The following SALL4 variants were observed in gnomAD, a reference collection of about 807,000 sequenced individuals.
SALL4 encodes the protein sal-like protein 4.
In SALL4, 4 loss-of-function variants were observed where a neutral mutation model predicts 60.8. The ratio of observed to expected loss-of-function variants is 0.07; its 90% CI spans 0.03 to 0.15. SALL4 has a LOEUF of 0.15. SALL4 is among the 10% of genes least tolerant of loss of function. The probability of loss-of-function intolerance (pLI) is 1.00; values close to 1 mark genes in which losing one functional copy is unlikely to be tolerated. For synonymous variants in SALL4, 580 were observed against 574.9 expected (o/e 1.01, Z -0.13); for missense variants, 1,178 against 1,394.7 (o/e 0.84, Z 2.48).
Position 51,802,279 on chromosome 20 carries a change from C to G in SALL4, c.130G>C (p.Gly44Arg). The part of the protein sequence containing the change: ...APAAPAAGEL[G>R]APVNHPGNDE... ...GGGCGGGCGCCCCAGCCCCACTCAC[C>G]CAGCTCCCCCGCCGCGGGCGCCGCT... The change falls in exon 1 of 4, where the codon GGT (glycine) becomes CGT (arginine). Residue 44 changes from glycine to arginine, a missense_variant and splice_region_variant. This residue lies in a region of SALL4 where 108 missense variants were observed against 95.7 expected (regional missense o/e 1.13). Coordinates refer to ENST00000217086, the MANE Select transcript of SALL4 (RefSeq NM_020436.5). 2 of 1,602,218 alleles carry G rather than the reference C, an allele frequency of 1.2e-6. No homozygotes were observed. Among genetic ancestry groups the G allele is most frequent in the Non-Finnish European group, 1.7e-6 (2 of 1,175,546 alleles).
Position 51,790,341 on chromosome 20 carries a change from G to T in SALL4, c.2142C>A (p.Ser714Arg). The change falls in exon 2 of 4, where the codon AGC becomes AGA. Residue 714 changes from serine to arginine, a missense_variant. Ser to Arg is a moderately radical substitution (Grantham distance 110, BLOSUM62 -1). Coordinates refer to ENST00000217086, the MANE Select transcript of SALL4 (RefSeq NM_020436.5). The surrounding 1 kb of genome is among the most constrained non-coding windows in gnomAD (Gnocchi z 5.5). ...CTAGCGTGGGTGATGCCGAGTGGAT[G>T]CTGGGAAGAGGCGTGGGGACCTTGG... ...SSSKVPTPLP[S>R]IHSASPTLGF... 1 of 1,614,182 alleles carries T rather than the reference G, an allele frequency of 6.2e-7. No individual in the cohort carries two copies. The highest frequency in any genetic ancestry group is 1.1e-5 in the South Asian group (1 of 91,088).
rs534356401 is a variant in SALL4 at position 51,801,495 on chromosome 20, G to C, written c.130+784C>G. Reference sequence around the variant, plus strand: ...CCGGCCACTGGGGGCTCGCACCCTCGGGCTTGCCGCGGTTATTTTTAGGAA... The same window carrying C: ...CCGGCCACTGGGGGCTCGCACCCTCCGGCTTGCCGCGGTTATTTTTAGGAA... On this transcript the variant is annotated intron_variant, in intron 1 of 3. Transcript: ENST00000217086. This position sits in a 1 kb window ranked among gnomAD's most constrained non-coding sequence, Gnocchi z 5.2. The C allele has an allele frequency of 2.0e-5, 3 of 152,298 alleles. No individual in the cohort carries two copies. Among genetic ancestry groups the C allele is most frequent in the South Asian group, 2.1e-4 (1 of 4,832 alleles). 9.4% of individuals were successfully genotyped at this position (152,298 alleles called of 1,614,324 possible).
chr20:51,795,380 C>T (rs1260207023), intron 1 of SALL4, among the ~76,000 whole-genome samples: 1 of 152,138 alleles, frequency 6.6e-6, no homozygotes, highest in East Asian at 1.9e-4. Context: ...GCACTCCAGC[C>T]TGGGCGACAG....
In SALL4 at chr20:51,791,450, G is replaced by C. The variant is rs1416309685; in HGVS notation, c.1033C>G (p.Gln345Glu). 2 of 1,614,202 alleles carry C rather than the reference G, an allele frequency of 1.2e-6. No individual in the cohort carries two copies. Among genetic ancestry groups the C allele is most frequent in the Admixed American group, 3.3e-5 (2 of 60,034 alleles). Residue 345 changes from glutamine (Q) to glutamate (E), a missense_variant, in exon 2 of 4, where the codon CAG (glutamine) becomes GAG (glutamate). Transcript: ENST00000217086. This position sits in a 1 kb window ranked among gnomAD's most constrained non-coding sequence, Gnocchi z 4.6. ...LPQAPGSVLF[Q>E]SPFSTVALDT... Reference sequence around the variant, plus strand: ...AGCGCCACAGTGGAGAAAGGGCTCTGGAAGAGCACCGAGCCCGGGGCCTGA... The same window carrying C: ...AGCGCCACAGTGGAGAAAGGGCTCTCGAAGAGCACCGAGCCCGGGGCCTGA...
rs1161824573 is a variant in SALL4, at chr20:51,783,734, A to AC, written c.*530_*531insG. The AC allele has an allele frequency of 1.9e-5, 3 of 158,456 alleles. No homozygotes were observed. The highest frequency in any genetic ancestry group is 7.2e-5 in the African/African-American group (3 of 41,422). 9.8% of individuals were successfully genotyped at this position (158,456 alleles called of 1,614,324 possible). On this transcript the variant is annotated 3_prime_UTR_variant, in exon 4 of 4. Coordinates refer to ENST00000217086, the MANE Select transcript of SALL4 (RefSeq NM_020436.5). ...TTCTTTCCAAAATTAGAAAAAAAAA[A>AC]AAAAAGTGCCAGGCGTGGTAGCTCA...
rs545429405 is a variant in SALL4, at chr20:51,789,738, T to G, written c.2461+284A>C. Among the ~76,000 whole-genome samples, 4 of 152,206 alleles carry G rather than the reference T, an allele frequency of 2.6e-5. No homozygotes were observed. The South Asian group carries it at 8.3e-4, about 32-fold the overall frequency. On this transcript the variant is annotated intron_variant, in intron 2 of 3. Transcript: ENST00000217086. ...AAAAACTATAACAAAATAGAACGAC[T>G]ACCCACCCCTATGTCCCAAGGGGCT... is the stretch of plus-strand genomic sequence containing the variant.
rs769446782 is a variant in SALL4 at position 51,788,162 on chromosome 20, T to G, written c.2742+699A>C. On this transcript the variant is annotated intron_variant, in intron 3 of 3. Transcript: ENST00000217086. This position sits in a 1 kb window ranked among gnomAD's most constrained non-coding sequence, Gnocchi z 4.1. Reference sequence around the variant, plus strand: ...TTTTAAAATTAAAATGTAAACATTTTAATTTTTTTAAGAGACAAGGTCTCA... The same window carrying G: ...TTTTAAAATTAAAATGTAAACATTTGAATTTTTTTAAGAGACAAGGTCTCA... 2.0e-5 allele frequency among the ~76,000 whole-genome samples: 3 copies of G among 151,936 alleles called. No homozygotes were observed. Among genetic ancestry groups the G allele is most frequent in the Admixed American group, 6.6e-5 (1 of 15,220 alleles).
rs1489402910 is a variant in SALL4 at position 51,783,177 on chromosome 20, T to C, written c.*1088A>G. ...GTAGGCACTGGCAAACTAAGTCACC[T>C]GAGATTCCCCGCTCAGGTGCCCACC... is the stretch of plus-strand genomic sequence containing the variant. On this transcript the variant is annotated 3_prime_UTR_variant, in exon 4 of 4. Transcript: ENST00000217086. The C allele has an allele frequency of 6.6e-6, 1 of 152,126 alleles. No individual in the cohort carries two copies. Among genetic ancestry groups the C allele is most frequent in the South Asian group, 2.1e-4 (1 of 4,816 alleles). The allele number at this position is 152,126 out of a possible 1,614,324, so 9.4% of individuals were successfully genotyped here.
chr20:51,788,761 A>G lies in SALL4; in HGVS notation c.2742+100T>C. 5 of 1,453,464 alleles carry G rather than the reference A, an allele frequency of 3.4e-6. No homozygotes were observed. Among genetic ancestry groups the G allele is most frequent in the South Asian group, 2.3e-5 (2 of 87,514 alleles). The allele number at this position is 1,453,464 out of a possible 1,614,324, so 90.0% of individuals were successfully genotyped here. The stretch of plus-strand genomic sequence containing the variant: ...GCAATCCTCCCACCTCGGCCTCCCA[A>G]AGGAGGAATGGAAGGATGGAAGAAC... On this transcript the variant is annotated intron_variant, in intron 3 of 3. Transcript: ENST00000217086. The surrounding 1 kb of genome is among the most constrained non-coding windows in gnomAD (Gnocchi z 4.1).
chr20:51,793,524 T>C (rs796832221), intron 1 of SALL4, among the ~76,000 whole-genome samples: 11 of 152,284 alleles, frequency 7.2e-5, no homozygotes, highest in African/African-American at 2.6e-4. Flanking sequence ...TGGCCCAATC[T>C]TGGCTCACTG....
rs1358169669 is a variant in SALL4, at chr20:51,801,691, C to G, written c.130+588G>C. 1 of 152,378 alleles carries G rather than the reference C, an allele frequency of 6.6e-6. No homozygotes were observed. Among genetic ancestry groups the G allele is most frequent in the Admixed American group, 6.5e-5 (1 of 15,298 alleles). The allele number at this position is 152,378 out of a possible 1,614,324, so 9.4% of individuals were successfully genotyped here. A position where few individuals can be genotyped will look rare whatever the true frequency, so the allele number is the denominator to read the frequency against. On this transcript the variant is annotated intron_variant, in intron 1 of 3. Coordinates refer to ENST00000217086, the MANE Select transcript of SALL4 (RefSeq NM_020436.5). The surrounding 1 kb of genome is among the most constrained non-coding windows in gnomAD (Gnocchi z 5.2). ...GGGCCCTCCAATCCCCTGCGCAGCG[C>G]GGGTGGCCCGCACCCCAGCTCCTGA...
chr20:51,794,636 A>G (rs1413279843), intron 1 of SALL4, among the ~76,000 whole-genome samples: 1 of 152,218 alleles, frequency 6.6e-6, no homozygotes, highest in African/African-American at 2.4e-5. Flanking sequence ...CAACATAACA[A>G]AAGTTATTGA....
chr20:51,788,876 G>A lies in SALL4; in HGVS notation c.2727C>T (p.Thr909=), dbSNP rs778038884. 1 of 1,614,142 alleles carries A rather than the reference G, an allele frequency of 6.2e-7. No individual in the cohort carries two copies. The highest frequency in any genetic ancestry group is 8.5e-7 in the Non-Finnish European group (1 of 1,180,042). Residue 909 remains threonine, a synonymous_variant, in exon 3 of 4, where the codon ACC becomes ACT. Transcript: ENST00000217086. This position sits in a 1 kb window ranked among gnomAD's most constrained non-coding sequence, Gnocchi z 4.1. ...VCNICGRAFT[T]KGNLKVHYMT... ...ACAAACCCACCTTTAAGTTGCCTTTGGTGGTAAAAGCTCGCCCACAAATGT... is the reference window on the plus strand; with the variant it reads ...ACAAACCCACCTTTAAGTTGCCTTTAGTGGTAAAAGCTCGCCCACAAATGT...
In SALL4 at chr20:51,791,781, C is replaced by T. The variant is rs146143890; in HGVS notation, c.702G>A (p.Gln234=). 1,026 of 1,613,996 alleles carry T rather than the reference C, an allele frequency of 6.4e-4. 1 individual carries two copies. Among genetic ancestry groups the T allele is most frequent in the Non-Finnish European group, 8.5e-4 (1,001 of 1,180,058 alleles). The stretch of plus-strand genomic sequence containing the variant: ...CCCACATGTTCACCTGGATGCGGAT[C>T]TGCTCGGTGAGCTGGATCTGCTGTA... The part of the protein sequence containing the change: ...QQLQQIQLTE[Q]IRIQVNMWAS... Residue 234 remains glutamine (Q), a synonymous_variant, in exon 2 of 4, where the codon CAG becomes CAA. Transcript: ENST00000217086. This position sits in a 1 kb window ranked among gnomAD's most constrained non-coding sequence, Gnocchi z 4.6.
intron 1 of SALL4, among the ~76,000 whole-genome samples, chr20:51,800,184 C>G (rs1048913782): frequency 6.6e-6 from 1 of 152,130 alleles, no homozygotes; most frequent in Non-Finnish European, 1.5e-5. Context: ...AGCAGGCGAC[C>G]GGCACGAATC....
intron 3 of SALL4, among the ~76,000 whole-genome samples, chr20:51,786,256 A>AT (rs1020706934): frequency 2.0e-5 from 3 of 151,076 alleles, no homozygotes; most frequent in African/African-American, 7.3e-5. Context: ...CGCCCGGCTA[A>AT]TTTTTTCTAT....
Position 51,801,219 on chromosome 20 carries a change from C to T in SALL4, c.130+1060G>A, listed in dbSNP as rs2078107707. Reference sequence around the variant, plus strand: ...AAAACCGCCTCGCTCCTAAAACCTCCGCGGTGAAGTGATGAAGTGGGAACA... The same window carrying T: ...AAAACCGCCTCGCTCCTAAAACCTCTGCGGTGAAGTGATGAAGTGGGAACA... On this transcript the variant is annotated intron_variant, in intron 1 of 3. Coordinates refer to ENST00000217086, the MANE Select transcript of SALL4 (RefSeq NM_020436.5). The surrounding 1 kb of genome is among the most constrained non-coding windows in gnomAD (Gnocchi z 5.2). Among the ~76,000 whole-genome samples the T allele has an allele frequency of 1.3e-5, 2 of 152,198 alleles. No individual in the cohort carries two copies. Among genetic ancestry groups the T allele is most frequent in the Non-Finnish European group, 2.9e-5 (2 of 68,040 alleles).
In SALL4 at chr20:51,790,553, G is replaced by C. The variant is rs1404153852; in HGVS notation, c.1930C>G (p.His644Asp). 8.7e-6 allele frequency: 14 copies of C among 1,614,200 alleles called. No individual in the cohort carries two copies. The highest frequency in any genetic ancestry group is 1.3e-5 in the African/African-American group (1 of 75,056). Residue 644 changes from histidine to aspartate, a missense_variant, in exon 2 of 4, where the codon CAT becomes GAT. His to Asp is a moderately conservative substitution (Grantham distance 81). Around this residue, in one of 5 missense-constraint regions of SALL4, gnomAD observed 853 missense variants for 1,036.8 expected, o/e 0.82. Transcript: ENST00000217086. The surrounding 1 kb of genome is among the most constrained non-coding windows in gnomAD (Gnocchi z 5.5). Reference sequence around the variant, plus strand: ...TGACCGCCCATGTGCATCCGAATATGTTGCTGCAGCATCACGGCATTAGTG... The same window carrying C: ...TGACCGCCCATGTGCATCCGAATATCTTGCTGCAGCATCACGGCATTAGTG... ...KFTNAVMLQQ[H>D]IRMHMGGQIP...
chr20:51,792,316 G>T lies in SALL4; in HGVS notation c.167C>A (p.Ala56Glu). ...CTTTACTGTGGCTTCATCCTCACTC[G>T]CCACCTCGTCATTCCCTGGGTGGTT... ...PVNHPGNDEV[A>E]SEDEATVKRL... The change falls in exon 2 of 4, where the codon GCG becomes GAG. Residue 56 changes from alanine to glutamate, a missense_variant. Transcript: ENST00000217086. The T allele has an allele frequency of 6.2e-7, 1 of 1,606,638 alleles. No individual in the cohort carries two copies.
Sources: allele counts gnomAD v4.1 joint callset (sites outside exome capture counted in the v4.1 genomes callset), GRCh38; gene constraint gnomAD v4.1.1; regional missense constraint gnomAD v4.1.1; non-coding constraint Gnocchi (gnomAD v3.1); transcripts MANE v1.5; gene names NCBI Gene and HGNC (gene_info 2026-07-23, HGNC 2026-07-21).